Variants in SPAG16 observed in about 807,000 individuals in gnomAD.
SPAG16 encodes sperm associated antigen 16.
SPAG16 carries 86 observed loss-of-function variants against 80.4 expected under a neutral mutation model. That is an observed-to-expected ratio of 1.07 (90% CI 0.90 to 1.28). The LOEUF (loss-of-function observed/expected upper bound fraction) is 1.28. SPAG16 is among the 50% of genes most tolerant of loss of function. The pLI, the probability that SPAG16 is intolerant of heterozygous loss-of-function variation, is 0.00. For synonymous variants in SPAG16, 294 were observed against 265.9 expected, an observed-to-expected ratio of 1.11 and a Z score of -1.03; for missense variants, 870 against 765.3, an observed-to-expected ratio of 1.14 and a Z score of -1.61.
intron 13 of SPAG16, among the ~76,000 whole-genome samples, chr2:214,090,230 GAAA>G (rs892635015): frequency 6.6e-6 from 1 of 151,126 alleles, no homozygotes; most frequent in South Asian, 2.1e-4. Flanking sequence ...TGAAGACGAA[GAAA>G]AAAAGAAGAA....
intron 14 of SPAG16, among the ~76,000 whole-genome samples, chr2:214,147,921 T>C (rs951534495): frequency 1.3e-5 from 2 of 152,040 alleles, no homozygotes; most frequent in African/African-American, 4.8e-5. Context: ...AAGGAGTAAG[T>C]GAGAAAATAT....
intron 10 of SPAG16, among the ~76,000 whole-genome samples, chr2:213,491,260 T>C (rs1368834198): frequency 6.6e-6 from 1 of 152,238 alleles, no homozygotes; most frequent in Non-Finnish European, 1.5e-5. Flanking sequence ...GTCGTGACTT[T>C]TTCTTATATG....
At chr2:213,753,191 TTTAG>T (rs1159079793) in intron 10 of SPAG16, among the ~76,000 whole-genome samples, 1 of 152,094 alleles carries the variant, frequency 6.6e-6, no homozygotes, top group Non-Finnish European at 1.5e-5. Flanking sequence ...TTTTTGTATT[TTTAG>T]TAGAGATGGG....
At chr2:214,345,371 G>A (rs1697988285) in intron 15 of SPAG16, among the ~76,000 whole-genome samples, 1 of 152,114 alleles carries the variant, frequency 6.6e-6, no homozygotes. Context: ...CATTCTGTCT[G>A]TCTTAGTGAC....
chr2:214,348,519 T>C (rs966191634), intron 15 of SPAG16, among the ~76,000 whole-genome samples: 2 of 152,186 alleles, frequency 1.3e-5, no homozygotes, highest in African/African-American at 4.8e-5. Context: ...ACCAAAGTTA[T>C]GAAGCTGCTT....
chr2:214,164,275 G>C (rs1318358298), intron 15 of SPAG16, among the ~76,000 whole-genome samples: 1 of 152,122 alleles, frequency 6.6e-6, no homozygotes, highest in East Asian at 1.9e-4. Flanking sequence ...TTGCCAAGTG[G>C]TGATAAGTCT....
chr2:214,155,293 A>G (rs1415638703), intron 15 of SPAG16, among the ~76,000 whole-genome samples: 1 of 152,216 alleles, frequency 6.6e-6, no homozygotes, highest in Non-Finnish European at 1.5e-5. Flanking sequence ...TTGTGTTCGC[A>G]CCAACAAGAA....
At chr2:213,917,818 A>G (rs2078038565) in intron 11 of SPAG16, among the ~76,000 whole-genome samples, 1 of 152,064 alleles carries the variant, frequency 6.6e-6, no homozygotes. Context: ...TTTGTAGAGT[A>G]GGGATGGTGA....
rs903495805 is a variant in SPAG16 at position 213,930,254 on chromosome 2, A to G, written c.1400+109A>G. ...TTGATGCTACCCCAGGGAAACATTA[A>G]AAGAAACTGTTAGTTGATAAGATTA... On this transcript the variant is annotated intron_variant, in intron 12 of 15. Transcript: ENST00000331683. The G allele has an allele frequency of 6.7e-6, 5 of 744,090 alleles. No individual in the cohort carries two copies. The African/African-American group carries it at 8.9e-5, about 13-fold the overall frequency. 46.1% of individuals were successfully genotyped at this position (744,090 alleles called of 1,614,324 possible).
At chr2:213,375,245 G>T in intron 9 of SPAG16, 126 bp downstream of exon 9, 1 of 665,290 alleles carries the variant, frequency 1.5e-6, no homozygotes, top group Non-Finnish European at 2.5e-6. Flanking sequence ...CGGGCTGCTT[G>T]GTTTATACAT....
At chr2:213,883,435 G>A (rs1208875534) in intron 11 of SPAG16, among the ~76,000 whole-genome samples, 1 of 152,094 alleles carries the variant, frequency 6.6e-6, no homozygotes, top group African/African-American at 2.4e-5. Context: ...CAATTATGTG[G>A]TTGATCTTAG....
intron 1 of SPAG16, among the ~76,000 whole-genome samples, chr2:213,287,726 A>T (rs994113850): frequency 6.6e-6 from 1 of 152,172 alleles, no homozygotes; most frequent in Non-Finnish European, 1.5e-5. Flanking sequence ...CTGTGAAGCT[A>T]ATCAGCTCTG....
At chr2:213,319,238 A>T (rs2063521869) in intron 5 of SPAG16, among the ~76,000 whole-genome samples, 1 of 151,986 alleles carries the variant, frequency 6.6e-6, no homozygotes, top group African/African-American at 2.4e-5. Flanking sequence ...ACCATATAGG[A>T]ACATAATATT....
intron 15 of SPAG16, among the ~76,000 whole-genome samples, chr2:214,193,185 T>C (rs1240119982): frequency 6.6e-6 from 1 of 151,934 alleles, no homozygotes; most frequent in Admixed American, 6.6e-5. Context: ...ATGGATTTTA[T>C]CAAAAGGTAA....
rs1188548360 is a variant in SPAG16 at position 214,407,768 on chromosome 2, A to G, written c.1721-2372A>G. Among the ~76,000 whole-genome samples, 4 of 152,254 alleles carry G rather than the reference A, an allele frequency of 2.6e-5. No homozygotes were observed. In the East Asian group the frequency reaches 7.7e-4, roughly 29 times the overall value. On this transcript the variant is annotated intron_variant, in intron 15 of 15. Transcript: ENST00000331683. ...TGGATACTAAAGTACTAATGTAGCA[A>G]TTGACACACCCTGGTAAGTAATTTT... is the stretch of plus-strand genomic sequence containing the variant.
At chr2:213,731,858 G>A (rs2067059763) in intron 10 of SPAG16, among the ~76,000 whole-genome samples, 1 of 152,074 alleles carries the variant, frequency 6.6e-6, no homozygotes, top group Non-Finnish European at 1.5e-5. Flanking sequence ...ATCCACTCTT[G>A]ATGGTTGTCT....
intron 13 of SPAG16, among the ~76,000 whole-genome samples, chr2:214,107,589 G>T (rs947675443): frequency 2.0e-5 from 3 of 152,102 alleles, no homozygotes; most frequent in African/African-American, 7.2e-5. Flanking sequence ...GGATGTTTTT[G>T]TAGTTAATTT....
At chr2:213,587,868 G>T (rs921964639) in intron 10 of SPAG16, among the ~76,000 whole-genome samples, 20 of 152,074 alleles carry the variant, frequency 1.3e-4, no homozygotes, top group Non-Finnish European at 4.4e-5. Flanking sequence ...CTTTTAGGAG[G>T]ACACAAATAT....
intron 15 of SPAG16, among the ~76,000 whole-genome samples, chr2:214,389,894 G>A (rs1700972307): frequency 6.6e-6 from 1 of 152,116 alleles, no homozygotes; most frequent in Non-Finnish European, 1.5e-5. Context: ...AGTCTGGACC[G>A]AGGCAGAACC....
Sources: gnomAD v4.1 joint callset for allele counts (sites outside exome capture counted in the v4.1 genomes callset) on GRCh38, gnomAD v4.1.1 for gene constraint, MANE v1.5 for transcripts, NCBI Gene and HGNC (gene_info 2026-07-23, HGNC 2026-07-21) for gene names.